LRBA: variants seen among roughly 807,000 people sequenced by gnomAD.
LRBA encodes the protein lipopolysaccharide-responsive and beige-like anchor protein.
A neutral mutation model predicts 330.0 loss-of-function variants in LRBA; 176 were observed. The observed-to-expected ratio is 0.53, with a 90% CI of 0.47 to 0.60. The LOEUF (loss-of-function observed/expected upper bound fraction) is 0.60, where lower values mean the gene tolerates loss of function less well. Ranked by LOEUF, LRBA falls within the 20% of genes least tolerant of loss-of-function variation. The probability of loss-of-function intolerance (pLI) is 0.00; values close to 1 mark genes in which losing one functional copy is unlikely to be tolerated. For missense variants in LRBA, 3,259 were observed against 3,444.8 expected (o/e 0.95, Z 1.35); for synonymous variants, 1,230 against 1,193.0 (o/e 1.03, Z -0.64).
At chr4:150,648,184 A>AAAAAAAAAAAAAAAAAAAAAAT in intron 37 of LRBA, among the ~76,000 whole-genome samples, 1 of 149,178 alleles carries the variant, frequency 6.7e-6, no homozygotes, top group African/African-American at 2.4e-5. Flanking sequence ...AAAACTAGAA[A>AAAAAAAAAAAAAAAAAAAAAAT]AGAGCGAGAT....
chr4:150,814,218 C>T lies in LRBA; in HGVS notation c.5305+2906G>A, dbSNP rs990459975. 5.3e-5 allele frequency among the ~76,000 whole-genome samples: 8 copies of T among 151,844 alleles called. No homozygotes were observed. The South Asian group carries it at 8.3e-4, about 16-fold the overall frequency. On this transcript the variant is annotated intron_variant, in intron 31 of 56. Coordinates refer to ENST00000651943, the MANE Select transcript of LRBA (RefSeq NM_001364905.1). ...TATTTTAATGGCAGATAACTTAAATCGAGAGACCCACCAAAAAGAAAACAA... is the reference window on the plus strand; with the variant it reads ...TATTTTAATGGCAGATAACTTAAATTGAGAGACCCACCAAAAAGAAAACAA...
At chr4:150,307,389 C>T (rs763549836) in intron 52 of LRBA, among the ~76,000 whole-genome samples, 16 of 151,908 alleles carry the variant, frequency 1.1e-4, no homozygotes, top group Non-Finnish European at 7.4e-5. Context: ...GAGTGGTTTA[C>T]AGTTCTATTA....
chr4:150,694,492 TCAGA>T (rs1238428538), intron 36 of LRBA, among the ~76,000 whole-genome samples: 1 of 47,698 alleles, frequency 2.1e-5, no homozygotes, highest in South Asian at 5.6e-4. Flanking sequence ...CTACAGAAAC[TCAGA>T]AAGACTCATA....
chr4:150,868,729 G>A (rs946918031), intron 20 of LRBA, among the ~76,000 whole-genome samples: 1 of 152,238 alleles, frequency 6.6e-6, no homozygotes, highest in South Asian at 2.1e-4. Flanking sequence ...CTTGAGGTCA[G>A]GAGTTCGAGA....
At chr4:150,598,730 C>T (rs753838485) in intron 38 of LRBA, among the ~76,000 whole-genome samples, 6 of 152,056 alleles carry the variant, frequency 3.9e-5, no homozygotes, top group Non-Finnish European at 8.8e-5. Flanking sequence ...CTGAATGTGT[C>T]GCTTAAAAGG....
chr4:150,601,651 T>C (rs1774125445), intron 37 of LRBA, among the ~76,000 whole-genome samples: 1 of 152,142 alleles, frequency 6.6e-6, no homozygotes, highest in Admixed American at 6.5e-5. Context: ...TAACTATATA[T>C]ATATATGCAG....
At chr4:150,405,033 G>A (rs1745995876) in intron 47 of LRBA, among the ~76,000 whole-genome samples, 2 of 152,132 alleles carry the variant, frequency 1.3e-5, no homozygotes, top group East Asian at 1.9e-4. Flanking sequence ...GAACTTTAAC[G>A]GTGGGAGGCA....
chr4:150,346,733 T>C (rs1243002139), intron 48 of LRBA, among the ~76,000 whole-genome samples: 7 of 112,166 alleles, frequency 6.2e-5, no homozygotes, highest in East Asian at 5.5e-4. Flanking sequence ...CACTCCAGCC[T>C]GGCAACAATG....
At chr4:150,485,804 TA>T (rs1239296327) in intron 42 of LRBA, among the ~76,000 whole-genome samples, 1 of 152,002 alleles carries the variant, frequency 6.6e-6, no homozygotes, top group African/African-American at 2.4e-5. Flanking sequence ...ACTAATATAG[TA>T]ATGATATGAC....
At chr4:150,697,459 C>T (rs529471082) in intron 36 of LRBA, among the ~76,000 whole-genome samples, 1 of 145,540 alleles carries the variant, frequency 6.9e-6, no homozygotes, top group Admixed American at 6.9e-5. Flanking sequence ...ACTAAGAGAA[C>T]AAGCTCAAAT....
intron 47 of LRBA, among the ~76,000 whole-genome samples, chr4:150,391,521 G>A (rs1743926403): frequency 6.6e-6 from 1 of 152,164 alleles, no homozygotes; most frequent in South Asian, 2.1e-4. Context: ...TTCTTAGGGT[G>A]AGACAGAAAG....
chr4:150,614,951 A>G (rs1437693451), intron 37 of LRBA, among the ~76,000 whole-genome samples: 1 of 152,260 alleles, frequency 6.6e-6, no homozygotes, highest in African/African-American at 2.4e-5. Context: ...AACAGAAAAA[A>G]GGGACAGAAA....
chr4:150,340,220 A>G (rs558915367), intron 48 of LRBA, among the ~76,000 whole-genome samples: 10 of 152,186 alleles, frequency 6.6e-5, no homozygotes, highest in Non-Finnish European at 1.3e-4. Context: ...TCATAGCAGC[A>G]TGAGAACAGA....
chr4:150,411,721 A>T (rs1472046133), intron 47 of LRBA, among the ~76,000 whole-genome samples: 1 of 152,190 alleles, frequency 6.6e-6, no homozygotes, highest in African/African-American at 2.4e-5. Flanking sequence ...GAAAACAGGG[A>T]TTGTGCTGTC....
chr4:150,535,716 A>G (rs1476675166), intron 40 of LRBA, among the ~76,000 whole-genome samples: 1 of 152,220 alleles, frequency 6.6e-6, no homozygotes, highest in Non-Finnish European at 1.5e-5. Flanking sequence ...TAAACATTCT[A>G]CATTTTCCTA....
intron 16 of LRBA, among the ~76,000 whole-genome samples, chr4:150,895,861 C>T (rs925080946): frequency 8.5e-5 from 13 of 152,170 alleles, no homozygotes; most frequent in East Asian, 1.9e-4. Context: ...ATCGCCACAC[C>T]GACTTCCACA....
intron 5 of LRBA, among the ~76,000 whole-genome samples, 153 bp from the exon 6 acceptor site, chr4:150,916,891 C>T (rs772101820): frequency 2.3e-4 from 35 of 152,282 alleles, no homozygotes; most frequent in Non-Finnish European, 4.4e-4. Context: ...CGGTGGCTCA[C>T]GCCTGTAATC....
rs1387221403 is a variant in LRBA, at chr4:150,900,189, G to A, written c.1784C>T (p.Ser595Phe). The A allele has an allele frequency of 6.2e-7, 1 of 1,612,904 alleles. No individual in the cohort carries two copies. Among genetic ancestry groups the A allele is most frequent in the Non-Finnish European group, 8.5e-7 (1 of 1,179,260 alleles). Residue 595 changes from serine (S) to phenylalanine (F), a missense_variant, in exon 14 of 57, where the codon TCC (serine) becomes TTC (phenylalanine). Coordinates refer to ENST00000651943, the MANE Select transcript of LRBA (RefSeq NM_001364905.1). ...KVQLMLYTYL[S>F]TEFIGTVNIY... ...GTTGACTGTACCAATGAATTCCGTG[G>A]ACAGATAAGTATAGAGCATCAGTTG...
At chr4:150,748,574 G>A (rs1399252861) in intron 35 of LRBA, among the ~76,000 whole-genome samples, 1 of 151,858 alleles carries the variant, frequency 6.6e-6, no homozygotes, top group Non-Finnish European at 1.5e-5. Flanking sequence ...GGCTGAGGCA[G>A]GAGAATCGCT....
Sources: allele counts gnomAD v4.1 joint callset (sites outside exome capture counted in the v4.1 genomes callset), GRCh38; gene constraint gnomAD v4.1.1; transcripts MANE v1.5; gene names NCBI Gene and HGNC (gene_info 2026-07-23, HGNC 2026-07-21).